The following CNBD1 variants were observed in gnomAD, a reference collection of about 807,000 sequenced individuals.
The protein encoded by CNBD1 is cyclic nucleotide-binding domain-containing protein 1.
A neutral mutation model predicts 54.4 loss-of-function variants in CNBD1; 71 were observed. That is an observed-to-expected ratio of 1.30 (90% CI 1.08 to 1.59). The LOEUF (loss-of-function observed/expected upper bound fraction) is 1.59. Ranked by LOEUF, CNBD1 falls within the 40% of genes most tolerant of loss-of-function variation. CNBD1 has a pLI of 0.00. For synonymous variants in CNBD1, 182 were observed against 170.7 expected (o/e 1.07, Z -0.51); for missense variants, 659 against 518.0 (o/e 1.27, Z -2.64).
At chr8:86,893,955 T>A (rs185032498) in intron 2 of CNBD1, among the ~76,000 whole-genome samples, 90 of 150,694 alleles carry the variant, frequency 6.0e-4, no homozygotes, top group African/African-American at 2.1e-3. Flanking sequence ...TGGAATTACA[T>A]TCTCAAATCT....
At chr8:87,204,063 A>G (rs1007296804) in intron 4 of CNBD1, among the ~76,000 whole-genome samples, 1 of 152,212 alleles carries the variant, frequency 6.6e-6, no homozygotes, top group African/African-American at 2.4e-5. Context: ...GACAAATGTA[A>G]GAACACTGGA....
At chr8:87,007,133 G>T (rs899226901) in intron 4 of CNBD1, among the ~76,000 whole-genome samples, 2 of 151,784 alleles carry the variant, frequency 1.3e-5, no homozygotes, top group Admixed American at 6.6e-5. Context: ...GGAGGCGGAG[G>T]TTGCAGTGAA....
intron 5 of CNBD1, among the ~76,000 whole-genome samples, chr8:87,217,645 T>C (rs1023108720): frequency 2.6e-5 from 4 of 151,590 alleles, no homozygotes; most frequent in Non-Finnish European, 5.9e-5. Context: ...ACTTTTTCAC[T>C]GGAGAGAAAA....
chr8:87,142,959 G>C (rs188180402), intron 4 of CNBD1, among the ~76,000 whole-genome samples: 1 of 152,158 alleles, frequency 6.6e-6, no homozygotes, highest in Admixed American at 6.6e-5. Flanking sequence ...ATATAGTTGT[G>C]AACAAAACAA....
At chr8:86,877,703 C>T (rs575588359) in intron 1 of CNBD1, among the ~76,000 whole-genome samples, 2 of 151,930 alleles carry the variant, frequency 1.3e-5, no homozygotes, top group Non-Finnish European at 2.9e-5. Context: ...TCTGGGTCAT[C>T]GTATTATATT....
At chr8:87,081,594 C>T (rs1367506207) in intron 4 of CNBD1, among the ~76,000 whole-genome samples, 1 of 151,736 alleles carries the variant, frequency 6.6e-6, no homozygotes, top group African/African-American at 2.4e-5. Flanking sequence ...CAAGCTTCGC[C>T]TCCCTGGTTC....
intron 8 of CNBD1, among the ~76,000 whole-genome samples, chr8:87,306,407 A>C (rs959065490): frequency 2.6e-5 from 4 of 152,216 alleles, no homozygotes. Context: ...GTATCTACTC[A>C]GAAGAAAATA....
At chr8:87,346,683 T>C (rs2130924110) in intron 8 of CNBD1, among the ~76,000 whole-genome samples, 1 of 152,276 alleles carries the variant, frequency 6.6e-6, no homozygotes, top group African/African-American at 2.4e-5. Flanking sequence ...CTAATATATT[T>C]GCTAATAGAG....
chr8:87,128,363 A>G (rs953716188), intron 4 of CNBD1, among the ~76,000 whole-genome samples: 1 of 152,168 alleles, frequency 6.6e-6, no homozygotes, highest in Non-Finnish European at 1.5e-5. Flanking sequence ...GCTCAGGGGC[A>G]CACACCTTAG....
At chr8:86,874,431 A>C (rs553382328) in intron 1 of CNBD1, among the ~76,000 whole-genome samples, 1 of 152,272 alleles carries the variant, frequency 6.6e-6, no homozygotes, top group Non-Finnish European at 1.5e-5. Context: ...ATATGATCTC[A>C]GTTTGCCCCA....
rs568574312 is a variant in CNBD1 at position 87,331,609 on chromosome 8, C to A, written c.1043-20076C>A. On this transcript the variant is annotated intron_variant, in intron 8 of 10. Transcript: ENST00000518476. Reference sequence around the variant, plus strand: ...GGGATTGCTGGATCAAATGATATTTCTAGTTCTAGATCCTTAAATTATCAC... The same window carrying A: ...GGGATTGCTGGATCAAATGATATTTATAGTTCTAGATCCTTAAATTATCAC... 7.5e-4 allele frequency among the ~76,000 whole-genome samples: 114 copies of A among 152,290 alleles called. 1 individual carries two copies. The highest frequency in any genetic ancestry group is 2.7e-3 in the African/African-American group (112 of 41,576).
chr8:87,332,926 G>C (rs180992345), intron 8 of CNBD1, among the ~76,000 whole-genome samples: 2 of 151,850 alleles, frequency 1.3e-5, no homozygotes, highest in East Asian at 2.0e-4. Flanking sequence ...ATGGTAGTTT[G>C]ATGGGAATAA....
intron 3 of CNBD1, among the ~76,000 whole-genome samples, chr8:86,936,526 G>A (rs780583001): frequency 2.0e-5 from 3 of 152,184 alleles, no homozygotes; most frequent in East Asian, 1.9e-4. Context: ...GGATCACGAG[G>A]TCAGGAGAAC....
chr8:86,928,536 A>G (rs916022965), intron 3 of CNBD1, among the ~76,000 whole-genome samples: 2 of 152,204 alleles, frequency 1.3e-5, no homozygotes, highest in African/African-American at 4.8e-5. Context: ...GGGGGAGCCC[A>G]AATCTAGGAA....
intron 4 of CNBD1, among the ~76,000 whole-genome samples, chr8:87,048,151 G>T (rs1423868560): frequency 1.3e-5 from 2 of 152,168 alleles, no homozygotes; most frequent in Non-Finnish European, 2.9e-5. Flanking sequence ...GAAGGGGAAA[G>T]AGAGGGAAGA....
At chr8:87,232,623 A>G (rs1444863169) in intron 5 of CNBD1, among the ~76,000 whole-genome samples, 3 of 152,296 alleles carry the variant, frequency 2.0e-5, no homozygotes, top group South Asian at 2.1e-4. Flanking sequence ...AAATTAAAAA[A>G]TAAATTTAGC....
intron 4 of CNBD1, among the ~76,000 whole-genome samples, chr8:87,188,242 C>G (rs1416500070): frequency 2.6e-5 from 4 of 152,174 alleles, no homozygotes; most frequent in Non-Finnish European, 4.4e-5. Context: ...CGTCTCTCCA[C>G]TACTTTCCAT....
chr8:87,328,494 A>T (rs1036940889), intron 8 of CNBD1, among the ~76,000 whole-genome samples: 1 of 151,572 alleles, frequency 6.6e-6, no homozygotes, highest in African/African-American at 2.4e-5. Context: ...TGCTAGTAAC[A>T]TACTGCTTTG....
intron 4 of CNBD1, among the ~76,000 whole-genome samples, chr8:86,968,303 G>A (rs1325538870): frequency 6.6e-6 from 1 of 152,096 alleles, no homozygotes; most frequent in Admixed American, 6.5e-5. Flanking sequence ...CTCATCATGA[G>A]GGCCTGATAA....
Sources: gnomAD v4.1 joint callset for allele counts (sites outside exome capture counted in the v4.1 genomes callset) on GRCh38, gnomAD v4.1.1 for gene constraint, MANE v1.5 for transcripts, NCBI Gene and HGNC (gene_info 2026-07-23, HGNC 2026-07-21) for gene names.